Variants in NIPA1 observed in about 807,000 individuals in gnomAD.
NIPA1 encodes magnesium transporter NIPA1.
NIPA1 carries 13 observed loss-of-function variants against 23.9 expected under a neutral mutation model. The ratio of observed to expected loss-of-function variants is 0.54; its 90% confidence interval spans 0.35 to 0.87. NIPA1 has a LOEUF of 0.87. NIPA1 is among the 40% of genes least tolerant of loss of function. The pLI, the probability that NIPA1 is intolerant of heterozygous loss-of-function variation, is 0.01. For missense variants in NIPA1, 362 were observed against 429.7 expected (o/e 0.84, Z 1.39); for synonymous variants, 234 against 202.9 (o/e 1.15, Z -1.30).
intron 4 of NIPA1, 28 bp from the exon 5 acceptor site, chr15:22,823,700 G>A (rs1156575450): frequency 1.3e-6 from 2 of 1,584,368 alleles, no homozygotes; most frequent in Admixed American, 1.7e-5. Context: ...CGGTGGCTCC[G>A]GGTGACTGTG....
intron 1 of NIPA1, among the ~76,000 whole-genome samples, chr15:22,795,809 C>T (rs915646719): frequency 2.0e-5 from 3 of 152,148 alleles, no homozygotes; most frequent in African/African-American, 7.2e-5. Flanking sequence ...GATCCTCACA[C>T]GTGCCTGGTC....
At chr15:22,812,588 G>A (rs542754716) in intron 3 of NIPA1, among the ~76,000 whole-genome samples, 1 of 151,966 alleles carries the variant, frequency 6.6e-6, no homozygotes, top group Admixed American at 6.6e-5. Context: ...GGGGGGCAGA[G>A]GTTGCAGTGA....
intron 3 of NIPA1, among the ~76,000 whole-genome samples, chr15:22,815,594 T>TG (rs2097594446): frequency 6.6e-6 from 1 of 151,986 alleles, no homozygotes; most frequent in Admixed American, 6.6e-5. Context: ...CCAGCCTGGG[T>TG]GACAGAGCAA....
At chr15:22,805,110 G>C (rs1895180194) in intron 1 of NIPA1, among the ~76,000 whole-genome samples, 1 of 152,098 alleles carries the variant, frequency 6.6e-6, no homozygotes, top group Non-Finnish European at 1.5e-5. Context: ...AAAGTGCTGG[G>C]ATTACAGGCG....
At chr15:22,820,661 C>T (rs1895519523) in intron 4 of NIPA1, among the ~76,000 whole-genome samples, 188 bp downstream of exon 4, 1 of 152,098 alleles carries the variant, frequency 6.6e-6, no homozygotes, top group Non-Finnish European at 1.5e-5. Flanking sequence ...TAGCCCTCTG[C>T]CCTCACCCTC....
Position 22,824,635 on chromosome 15 carries a change from T to G in NIPA1, c.*396T>G, listed in dbSNP as rs1176515575. On this transcript the variant is annotated 3_prime_UTR_variant, in exon 5 of 5. Coordinates refer to ENST00000337435, the MANE Select transcript of NIPA1 (RefSeq NM_144599.5). This position sits in a 1 kb window ranked among gnomAD's most constrained non-coding sequence, Gnocchi z 4.1. The stretch of plus-strand genomic sequence containing the variant: ...TTAGATTACTTTGGGAATGAGAGAT[T>G]GTTGTCTTGAACTCTGGCACTGTAC... 2 of 282,026 alleles carry G rather than the reference T, an allele frequency of 7.1e-6. No homozygotes were observed. The highest frequency in any genetic ancestry group is 9.2e-5 in the East Asian group (1 of 10,926). 17.5% of individuals were successfully genotyped at this position (282,026 alleles called of 1,614,324 possible). A position where few individuals can be genotyped will look rare whatever the true frequency, so the allele number is the denominator to read the frequency against.
chr15:22,800,451 A>C (rs757608256), intron 1 of NIPA1, among the ~76,000 whole-genome samples: 19 of 151,976 alleles, frequency 1.3e-4, no homozygotes, highest in Non-Finnish European at 1.0e-4. Context: ...GGATGCAGTT[A>C]AGACCTACAC....
At chr15:22,820,100 G>A (rs1001482146) in intron 3 of NIPA1, among the ~76,000 whole-genome samples, 1 of 152,140 alleles carries the variant, frequency 6.6e-6, no homozygotes, top group Non-Finnish European at 1.5e-5. Context: ...CGGTGGCTGA[G>A]GTAGGAGGAT....
chr15:22,804,772 CTCTAT>C (rs1566781853), intron 1 of NIPA1, among the ~76,000 whole-genome samples: 1 of 152,104 alleles, frequency 6.6e-6, no homozygotes, highest in African/African-American at 2.4e-5. Context: ...GATTTCTGAA[CTCTAT>C]TCCGTTGTGT....
intron 4 of NIPA1, among the ~76,000 whole-genome samples, chr15:22,823,247 C>T (rs1171690877): frequency 6.8e-6 from 1 of 146,310 alleles, no homozygotes; most frequent in African/African-American, 2.5e-5. Context: ...TGGAGTCTTG[C>T]TCTGTCACCC....
At chr15:22,787,428 C>A (rs987458824) in intron 1 of NIPA1, among the ~76,000 whole-genome samples, 1 of 152,198 alleles carries the variant, frequency 6.6e-6, no homozygotes, top group African/African-American at 2.4e-5. Flanking sequence ...TTACGGAGCC[C>A]GCTGCGCCTT....
rs185604143 is a variant in NIPA1 at position 22,800,272 on chromosome 15, C to G, written c.179-10477C>G. Among the ~76,000 whole-genome samples the G allele has an allele frequency of 3.7e-4, 56 of 152,232 alleles. 1 individual carries two copies. The highest frequency in any genetic ancestry group is 1.3e-3 in the African/African-American group (56 of 41,540). On this transcript the variant is annotated intron_variant, in intron 1 of 4. Coordinates refer to ENST00000337435, the MANE Select transcript of NIPA1 (RefSeq NM_144599.5). ...GGATTTTTTTGAAATAGATCCCAAG[C>G]AAATTACCATTTCATCTGCATATTG...
intron 4 of NIPA1, among the ~76,000 whole-genome samples, chr15:22,821,182 G>A (rs1431690157): frequency 1.3e-5 from 2 of 151,766 alleles, no homozygotes; most frequent in Non-Finnish European, 2.9e-5. Context: ...AGCCAGGATG[G>A]TCTTGATCTC....
chr15:22,788,498 C>CAAAAAAAAAAAAAAAAAAAAAA (rs905296655), intron 1 of NIPA1, among the ~76,000 whole-genome samples: 17 of 89,580 alleles, frequency 1.9e-4, no homozygotes, highest in South Asian at 7.4e-4. Context: ...GACTCCATCT[C>CAAAAAAAAAAAAAAAAAAAAAA]AAAAAAAAAA....
chr15:22,800,063 A>T (rs1220322030), intron 1 of NIPA1, among the ~76,000 whole-genome samples: 1 of 151,804 alleles, frequency 6.6e-6, no homozygotes, highest in Non-Finnish European at 1.5e-5. Flanking sequence ...CCTGTTGGGT[A>T]CTATGTGCAC....
chr15:22,801,507 CTTTTTTT>C (rs35360583), intron 1 of NIPA1, among the ~76,000 whole-genome samples: 7 of 78,972 alleles, frequency 8.9e-5, no homozygotes, highest in African/African-American at 1.7e-4. Flanking sequence ...CTTCTAGCGA[CTTTTTTT>C]TTTTTTTTTT....
At chr15:22,786,603 C>T, upstream of NIPA1, 1 of 767,994 alleles carries the variant, frequency 1.3e-6, no homozygotes, top group Non-Finnish European at 1.6e-6. Flanking sequence ...CCCCCCATCC[C>T]GCCCCGCGGG....
At chr15:22,806,057 G>T (rs1179706815) in intron 1 of NIPA1, among the ~76,000 whole-genome samples, 1 of 152,036 alleles carries the variant, frequency 6.6e-6, no homozygotes, top group Admixed American at 6.6e-5. Context: ...CCGAATAGCT[G>T]GGACTACAGG....
intron 1 of NIPA1, among the ~76,000 whole-genome samples, chr15:22,808,143 C>T (rs56368617): frequency 0.11 from 16,635 of 152,108 alleles, 1,023 homozygotes; most frequent in Middle Eastern, 0.23. Context: ...GGAAACTGGT[C>T]CACAGACTTT....
Sources: gnomAD v4.1 joint callset for allele counts (sites outside exome capture counted in the v4.1 genomes callset) on GRCh38, gnomAD v4.1.1 for gene constraint, Gnocchi (gnomAD v3.1) non-coding constraint, MANE v1.5 for transcripts, NCBI Gene and HGNC (gene_info 2026-07-23, HGNC 2026-07-21) for gene names.